The following SLC25A38 variants were observed in gnomAD, a reference collection of about 807,000 sequenced individuals.
SLC25A38 encodes the protein mitochondrial glycine transporter.
A neutral mutation model predicts 33.4 loss-of-function variants in SLC25A38; 27 were observed. The ratio of observed to expected loss-of-function variants is 0.81; its 90% CI spans 0.60 to 1.11. The LOEUF is 1.11. Ranked by LOEUF, SLC25A38 falls within the 50% of genes most tolerant of loss-of-function variation. SLC25A38 has a pLI of 0.00. For synonymous variants in SLC25A38, 123 were observed against 145.9 expected (o/e 0.84, Z 1.13); for missense variants, 344 against 388.8 (o/e 0.88, Z 0.97).
chr3:39,384,656 A>C (rs2041689727), intron 1 of SLC25A38: 2 of 398,332 alleles, frequency 5.0e-6, no homozygotes, highest in African/African-American at 4.1e-5. Flanking sequence ...TCAGGGCAGT[A>C]GGAATTGCTT....
At position 39,389,208 on chromosome 3, in the gene SLC25A38, G is replaced by A. The variant is rs2041734218; in HGVS notation, c.70-287G>A. On this transcript the variant is annotated intron_variant, in intron 1 of 6. Transcript: ENST00000650617. This position sits in a 1 kb window ranked among gnomAD's most constrained non-coding sequence, Gnocchi z 4.5. ...TAACTTTTTGAGTCAGAACAAATAGGGAAGAGTGGTCAGTGGCATGGAAAT... is the reference window on the plus strand; with the variant it reads ...TAACTTTTTGAGTCAGAACAAATAGAGAAGAGTGGTCAGTGGCATGGAAAT... 6.6e-6 allele frequency among the ~76,000 whole-genome samples: 1 copy of A among 152,204 alleles called. No individual in the cohort carries two copies. Among genetic ancestry groups the A allele is most frequent in the African/African-American group, 2.4e-5 (1 of 41,440 alleles).
intron 5 of SLC25A38, among the ~76,000 whole-genome samples, chr3:39,392,519 G>C (rs2041783500): frequency 6.6e-6 from 1 of 151,978 alleles, no homozygotes; most frequent in Admixed American, 6.6e-5. Context: ...ACATGGTTTT[G>C]AGCCCTCCAT....
chr3:39,386,323 A>G (rs11923308), intron 1 of SLC25A38, among the ~76,000 whole-genome samples: 1,921 of 152,296 alleles, frequency 0.013, 40 homozygotes, highest in African/African-American at 0.044. Flanking sequence ...GCCCACACCT[A>G]TAATGCTAAC....
chr3:39,385,280 C>T (rs2041697502), intron 1 of SLC25A38, among the ~76,000 whole-genome samples: 1 of 152,050 alleles, frequency 6.6e-6, no homozygotes, highest in African/African-American at 2.4e-5. Context: ...CTGCTCTGTG[C>T]TAATGGACTG....
In SLC25A38 at chr3:39,389,322, A is replaced by G. The variant is rs1294312284; in HGVS notation, c.70-173A>G. The G allele has an allele frequency of 1.1e-6, 1 of 949,366 alleles. No homozygotes were observed. Among genetic ancestry groups the G allele is most frequent in the Non-Finnish European group, 1.7e-6 (1 of 603,538 alleles). 58.8% of individuals were successfully genotyped at this position (949,366 alleles called of 1,614,324 possible). A position where few individuals can be genotyped will look rare whatever the true frequency, so the allele number is the denominator to read the frequency against. On this transcript the variant is annotated intron_variant, in intron 1 of 6. Coordinates refer to ENST00000650617, the MANE Select transcript of SLC25A38 (RefSeq NM_017875.4). This position sits in a 1 kb window ranked among gnomAD's most constrained non-coding sequence, Gnocchi z 4.5. ...CATCCAATGTCCTCAATAACATTGC[A>G]GTATTTTTAATTTCTGGCTATACTT...
intron 1 of SLC25A38, among the ~76,000 whole-genome samples, chr3:39,388,106 A>T (rs1204688165): frequency 6.6e-6 from 1 of 152,140 alleles, no homozygotes; most frequent in African/African-American, 2.4e-5. Flanking sequence ...TGTGTGAAGA[A>T]GGGGGGCTCA....
intron 1 of SLC25A38, chr3:39,387,774 A>T (rs574093982): frequency 9.7e-4 from 149 of 153,078 alleles, no homozygotes; most frequent in Non-Finnish European, 1.3e-3. Context: ...GAGCAGTCCT[A>T]TGTGAAGGGC....
chr3:39,395,206 A>G (rs773162142), intron 6 of SLC25A38, among the ~76,000 whole-genome samples: 34 of 152,228 alleles, frequency 2.2e-4, no homozygotes, highest in Non-Finnish European at 3.8e-4. Context: ...CCTGGGCCAC[A>G]TGCAGCCTGC....
In SLC25A38 at chr3:39,395,977, G is replaced by A. The variant is rs149727597; in HGVS notation, c.793-421G>A. On this transcript the variant is annotated intron_variant, in intron 6 of 6. Coordinates refer to ENST00000650617, the MANE Select transcript of SLC25A38 (RefSeq NM_017875.4). ...TGTAATCCCAGCACTTTGGGAGGTT[G>A]AGGTGGGCAGATCACAAGGTCAGGA... Among the ~76,000 whole-genome samples the A allele has an allele frequency of 1.2e-4, 19 of 152,036 alleles. No individual in the cohort carries two copies. The East Asian group carries it at 3.7e-3, about 29-fold the overall frequency.
chr3:39,394,162 T>G (rs1008040909), intron 5 of SLC25A38, among the ~76,000 whole-genome samples: 1 of 152,142 alleles, frequency 6.6e-6, no homozygotes, highest in African/African-American at 2.4e-5. Context: ...TTTTCCCACA[T>G]GTTTTAAAAT....
rs577954643 is a variant in SLC25A38, at chr3:39,386,023, A to C, written c.69+2230A>C. On this transcript the variant is annotated intron_variant, in intron 1 of 6. Transcript: ENST00000650617. ...ATACATGAAAGGCCCTGCAACCAGCAGTTTGGACTTTATCCTGAGAGGAAT... is the reference window on the plus strand; with the variant it reads ...ATACATGAAAGGCCCTGCAACCAGCCGTTTGGACTTTATCCTGAGAGGAAT... 7.0e-4 allele frequency among the ~76,000 whole-genome samples: 107 copies of C among 152,330 alleles called. 1 individual carries two copies. Among genetic ancestry groups the C allele is most frequent in the Non-Finnish European group, 1.0e-3 (71 of 68,026 alleles).
In SLC25A38 at chr3:39,389,618, T is replaced by C; in HGVS notation, c.191+2T>C. ...AACCCTCCAGCCCTCAGATCATGGG[T>C]AGGCCCTGCATTTCATTGGGGAACT... On this transcript the variant is annotated splice_donor_variant, in intron 2 of 6. Transcript: ENST00000650617. LOFTEE classifies it high-confidence loss of function. This position sits in a 1 kb window ranked among gnomAD's most constrained non-coding sequence, Gnocchi z 4.5. 6.2e-7 allele frequency: 1 copy of C among 1,614,174 alleles called. No individual in the cohort carries two copies. The highest frequency in any genetic ancestry group is 8.5e-7 in the Non-Finnish European group (1 of 1,180,020).
chr3:39,394,626 T>A, intron 6 of SLC25A38, 50 bp downstream of exon 6: 1 of 1,604,954 alleles, frequency 6.2e-7, no homozygotes, highest in Middle Eastern at 1.7e-4. Flanking sequence ...AGGATCTCTT[T>A]CTAGAGCAGT....
chr3:39,396,468 T>C lies in SLC25A38; in HGVS notation c.863T>C (p.Met288Thr), dbSNP rs200204034. 1.2e-6 allele frequency: 2 copies of C among 1,613,930 alleles called. No individual in the cohort carries two copies. The highest frequency in any genetic ancestry group is 2.2e-5 in the East Asian group (1 of 44,848). The change falls in exon 7 of 7, where the codon ATG becomes ACG. Residue 288 changes from methionine to threonine, a missense_variant. Met to Thr is a moderately conservative substitution (Grantham distance 81, BLOSUM62 -1). Coordinates refer to ENST00000650617, the MANE Select transcript of SLC25A38 (RefSeq NM_017875.4). ...RALRRTLMAA[M>T]AWTVYEEMMA... ...CTCCGCAGAACTCTAATGGCAGCAA[T>C]GGCGTGGACGGTGTATGAAGAGATG...
chr3:39,389,646 T>G lies in SLC25A38; in HGVS notation c.191+30T>G, dbSNP rs201754302. ...GCCCTGCATTTCATTGGGGAACTGA[T>G]TTCAGCAACTTCTCAGACACAGGAA... On this transcript the variant is annotated intron_variant, in intron 2 of 6. Coordinates refer to ENST00000650617, the MANE Select transcript of SLC25A38 (RefSeq NM_017875.4). This position sits in a 1 kb window ranked among gnomAD's most constrained non-coding sequence, Gnocchi z 4.5. 2.3e-4 allele frequency: 371 copies of G among 1,614,174 alleles called. 1 individual carries two copies. The highest frequency in any genetic ancestry group is 4.7e-4 in the Admixed American group (28 of 60,010).
intron 1 of SLC25A38, chr3:39,384,434 C>T (rs961475951): frequency 1.4e-4 from 52 of 370,396 alleles, no homozygotes; most frequent in Non-Finnish European, 1.9e-4. Context: ...AGTCTTTAGA[C>T]GCTAAAGGCC....
intron 1 of SLC25A38, among the ~76,000 whole-genome samples, chr3:39,387,436 G>A (rs2041718660): frequency 6.6e-6 from 1 of 152,174 alleles, no homozygotes; most frequent in Admixed American, 6.5e-5. Context: ...GATCAGTGGA[G>A]GCCAGACTGG....
chr3:39,387,526 A>G (rs1399346679), intron 1 of SLC25A38, among the ~76,000 whole-genome samples: 1 of 152,194 alleles, frequency 6.6e-6, no homozygotes, highest in African/African-American at 2.4e-5. Flanking sequence ...GAGGTTTCCA[A>G]CCTGGATTCC....
At chr3:39,390,377 A>T (rs2041748349) in intron 2 of SLC25A38, 46 bp from the exon 3 acceptor site, 3 of 1,594,210 alleles carry the variant, frequency 1.9e-6, no homozygotes, top group Non-Finnish European at 2.6e-6. Context: ...TGAGGAAGTG[A>T]TCTAAGTGAT....
Sources: gnomAD v4.1 joint callset for allele counts (sites outside exome capture counted in the v4.1 genomes callset) on GRCh38, gnomAD v4.1.1 for gene constraint, Gnocchi (gnomAD v3.1) non-coding constraint, MANE v1.5 for transcripts, NCBI Gene and HGNC (gene_info 2026-07-23, HGNC 2026-07-21) for gene names.